Variants in GTF3A observed in about 807,000 individuals in gnomAD.
The protein encoded by GTF3A is transcription factor IIIA.
In GTF3A, 40 loss-of-function variants were observed where a neutral mutation model predicts 37.6. The ratio of observed to expected loss-of-function variants is 1.06; its 90% CI spans 0.83 to 1.38. GTF3A has a LOEUF of 1.38. Ranked by LOEUF, GTF3A falls within the 40% of genes most tolerant of loss-of-function variation. The probability of loss-of-function intolerance (pLI) is 0.00; values close to 1 mark genes in which losing one functional copy is unlikely to be tolerated. For missense variants in GTF3A, 500 were observed against 462.6 expected (o/e 1.08, Z -0.74); for synonymous variants, 191 against 166.7 (o/e 1.15, Z -1.12).
chr13:27,434,698 A>C (rs1657800324), intron 6 of GTF3A, 107 bp from the exon 7 acceptor site: 1 of 640,636 alleles, frequency 1.6e-6, no homozygotes, highest in Non-Finnish European at 2.8e-6. Context: ...ATTTGTATAT[A>C]GTGATCAGGT....
chr13:27,425,072 GA>G, intron 1 of GTF3A, 134 bp downstream of exon 1: 1 of 604,162 alleles, frequency 1.7e-6, no homozygotes, highest in Non-Finnish European at 2.9e-6. Flanking sequence ...CTTGGGGAAG[GA>G]GCTGAGGAAG....
In GTF3A at chr13:27,434,835, C is replaced by T. The variant is rs1445887535; in HGVS notation, c.674C>T (p.Thr225Ile). ...ATACTATGTGAAGTATGCCGGAAAACATTTAAACGCAAAGATTACCTTAAG... is the reference window on the plus strand; with the variant it reads ...ATACTATGTGAAGTATGCCGGAAAATATTTAAACGCAAAGATTACCTTAAG... Residue 225 changes from threonine to isoleucine, a missense_variant, in exon 7 of 9, where the codon ACA becomes ATA. By Grantham distance (89) the Thr-to-Ile change is moderately conservative. Coordinates refer to ENST00000381140, the MANE Select transcript of GTF3A (RefSeq NM_002097.3). The T allele has an allele frequency of 5.0e-6, 8 of 1,611,976 alleles. No individual in the cohort carries two copies. In the Admixed American group the frequency reaches 1.3e-4, roughly 27 times the overall value.
chr13:27,430,721 T>G, intron 4 of GTF3A, 100 bp downstream of exon 4: 2 of 745,976 alleles, frequency 2.7e-6, no homozygotes, highest in Non-Finnish European at 4.7e-6. Context: ...TTTTGGCCAT[T>G]TGTATATCTT....
At chr13:27,425,299 G>T in intron 1 of GTF3A, 1 of 236,706 alleles carries the variant, frequency 4.2e-6, no homozygotes, top group South Asian at 1.1e-4. Flanking sequence ...ATGTACCAGG[G>T]GTCGTGAAAG....
intron 4 of GTF3A, among the ~76,000 whole-genome samples, chr13:27,431,799 A>C (rs1158979034): frequency 6.6e-6 from 1 of 152,240 alleles, no homozygotes; most frequent in East Asian, 1.9e-4. Context: ...CGGTGGGACA[A>C]ATCTTCTGAA....
At chr13:27,427,356 T>C (rs1366406696) in intron 2 of GTF3A, among the ~76,000 whole-genome samples, 164 bp downstream of exon 2, 2 of 152,048 alleles carry the variant, frequency 1.3e-5, no homozygotes, top group Non-Finnish European at 2.9e-5. Flanking sequence ...GATGGGCAGA[T>C]CACTTGAACC....
chr13:27,429,991 A>T (rs1450271233), intron 3 of GTF3A, 25 bp downstream of exon 3: 12 of 1,280,756 alleles, frequency 9.4e-6, no homozygotes, highest in Non-Finnish European at 3.2e-6. Context: ...ATATGCTTAA[A>T]TTTTTTGAGT....
intron 5 of GTF3A, among the ~76,000 whole-genome samples, chr13:27,433,835 A>G (rs1593180259): frequency 6.6e-6 from 1 of 152,172 alleles, no homozygotes; most frequent in East Asian, 1.9e-4. Context: ...AGAGAGGAAA[A>G]GGCATCCTTA....
chr13:27,430,698 ATT>A, intron 4 of GTF3A, 77 bp downstream of exon 4: 2 of 920,168 alleles, frequency 2.2e-6, no homozygotes, highest in Non-Finnish European at 3.5e-6. Flanking sequence ...GGTGTTGAGC[ATT>A]GTTTCATGTT....
chr13:27,434,263 C>T (rs753410625), intron 6 of GTF3A, 44 bp downstream of exon 6: 1 of 809,394 alleles, frequency 1.2e-6, no homozygotes, highest in South Asian at 1.3e-5. Context: ...ATGTTTGTCC[C>T]CACAGAACTG....
intron 2 of GTF3A, among the ~76,000 whole-genome samples, chr13:27,428,666 C>G (rs1055034074): frequency 2.6e-5 from 4 of 152,138 alleles, no homozygotes; most frequent in African/African-American, 9.7e-5. Context: ...TATCCCATAC[C>G]CGGTTGGGTT....
rs535577082 is a variant in GTF3A, at chr13:27,435,737, C to T, written c.*140C>T. On this transcript the variant is annotated 3_prime_UTR_variant, in exon 9 of 9. Coordinates refer to ENST00000381140, the MANE Select transcript of GTF3A (RefSeq NM_002097.3). ...TGGTCTTTGTTCAAAGTGTCTCTTT[C>T]CTGGGTCTCTTGAGTTTCTTTATAT... 1.2e-6 allele frequency: 2 copies of T among 1,614,022 alleles called. No individual in the cohort carries two copies. Among genetic ancestry groups the T allele is most frequent in the Admixed American group, 1.7e-5 (1 of 60,024 alleles).
chr13:27,433,200 T>G (rs951370730), intron 5 of GTF3A, among the ~76,000 whole-genome samples: 1 of 131,236 alleles, frequency 7.6e-6, no homozygotes, highest in Admixed American at 7.7e-5. Flanking sequence ...CATCAGATGT[T>G]ACGTTTCTCA....
chr13:27,428,431 G>T (rs1399557406), intron 2 of GTF3A, among the ~76,000 whole-genome samples: 1 of 152,220 alleles, frequency 6.6e-6, no homozygotes, highest in Non-Finnish European at 1.5e-5. Flanking sequence ...CCTTAAAGCT[G>T]TGCAGTGCTT....
intron 2 of GTF3A, among the ~76,000 whole-genome samples, chr13:27,427,796 G>A (rs979948614): frequency 2.0e-5 from 3 of 151,818 alleles, no homozygotes; most frequent in Non-Finnish European, 2.9e-5. Context: ...TGTTTTGGGA[G>A]CAGTGGGGGA....
chr13:27,431,671 T>C (rs1391619154), intron 4 of GTF3A, among the ~76,000 whole-genome samples: 2 of 152,104 alleles, frequency 1.3e-5, no homozygotes, highest in African/African-American at 2.4e-5. Context: ...AGACTACATA[T>C]TGGGTACAGT....
At chr13:27,426,654 C>T (rs781186636) in intron 1 of GTF3A, among the ~76,000 whole-genome samples, 29 of 152,302 alleles carry the variant, frequency 1.9e-4, no homozygotes, top group Non-Finnish European at 3.4e-4. Flanking sequence ...ATTATCCTAG[C>T]ACAGACCCTG....
At chr13:27,429,579 G>C (rs1953639727) in intron 2 of GTF3A, among the ~76,000 whole-genome samples, 2 of 152,140 alleles carry the variant, frequency 1.3e-5, no homozygotes, top group East Asian at 3.9e-4. Flanking sequence ...CCTAGTGTAG[G>C]CTTTTGGGAC....
Position 27,430,462 on chromosome 13 carries a change from A to C in GTF3A, c.400-71A>C, listed in dbSNP as rs1040134587. 1.5e-5 allele frequency: 14 copies of C among 904,284 alleles called. No homozygotes were observed. In the East Asian group the frequency reaches 3.4e-4, roughly 22 times the overall value. The allele number at this position is 904,284 out of a possible 1,614,324, so 56.0% of individuals were successfully genotyped here. ...CAGTCTCCAAAATTGTTTTATCTTG[A>C]GGATTCTGTTACGAACTGTTCATTT... On this transcript the variant is annotated intron_variant, in intron 3 of 8. Transcript: ENST00000381140.
Sources: allele counts gnomAD v4.1 joint callset (sites outside exome capture counted in the v4.1 genomes callset), GRCh38; gene constraint gnomAD v4.1.1; transcripts MANE v1.5; gene names NCBI Gene and HGNC (gene_info 2026-07-23, HGNC 2026-07-21).